The following AP3B1 variants were observed in gnomAD, a reference collection of about 807,000 sequenced individuals.
The protein encoded by AP3B1 is AP-3 complex subunit beta-1.
A neutral mutation model predicts 132.5 loss-of-function variants in AP3B1; 61 were observed. That is an observed-to-expected ratio of 0.46 (90% CI 0.37 to 0.57). The LOEUF is 0.57. AP3B1 is among the 20% of genes least tolerant of loss of function. AP3B1 has a pLI of 0.00. For synonymous variants in AP3B1, 388 were observed against 438.3 expected (o/e 0.89, Z 1.43); for missense variants, 1,120 against 1,289.4 (o/e 0.87, Z 2.01).
chr5:78,090,681 A>G (rs1750471643), intron 21 of AP3B1, among the ~76,000 whole-genome samples: 1 of 152,254 alleles, frequency 6.6e-6, no homozygotes, highest in Non-Finnish European at 1.5e-5. Context: ...AGACAATAAC[A>G]TTAATTTTTG....
intron 7 of AP3B1, among the ~76,000 whole-genome samples, chr5:78,207,022 C>G (rs1325639751): frequency 6.6e-6 from 1 of 152,060 alleles, no homozygotes; most frequent in Non-Finnish European, 1.5e-5. Flanking sequence ...CTTTGGGAGG[C>G]TGAGGCGGGT....
At chr5:78,291,780 G>GA (rs1749534924) in intron 1 of AP3B1, among the ~76,000 whole-genome samples, 2 of 152,002 alleles carry the variant, frequency 1.3e-5, no homozygotes, top group South Asian at 2.1e-4. Context: ...TGTACTTGAG[G>GA]AAAAAAATGC....
intron 18 of AP3B1, among the ~76,000 whole-genome samples, chr5:78,115,347 G>A (rs1751779851): frequency 6.6e-6 from 1 of 152,134 alleles, no homozygotes; most frequent in African/African-American, 2.4e-5. Flanking sequence ...GTTCTCCAAG[G>A]AATAAAGATT....
chr5:78,198,412 T>A (rs1020298964), intron 7 of AP3B1, among the ~76,000 whole-genome samples: 12 of 152,088 alleles, frequency 7.9e-5, no homozygotes. Context: ...AAGTCCAAGA[T>A]CAAGGGGCAG....
At chr5:78,137,688 A>G (rs1438501345) in intron 15 of AP3B1, among the ~76,000 whole-genome samples, 1 of 152,052 alleles carries the variant, frequency 6.6e-6, no homozygotes, top group Non-Finnish European at 1.5e-5. Context: ...ATTTTTCTGG[A>G]GTTTACAGCT....
chr5:78,167,873 T>C (rs1411384914), intron 11 of AP3B1, among the ~76,000 whole-genome samples: 2 of 149,884 alleles, frequency 1.3e-5, no homozygotes, highest in Non-Finnish European at 3.0e-5. Flanking sequence ...GGGGAAAGGG[T>C]GGGGGGTGGT....
At chr5:78,071,265 G>A (rs1399399555) in intron 22 of AP3B1, among the ~76,000 whole-genome samples, 3 of 152,220 alleles carry the variant, frequency 2.0e-5, no homozygotes, top group African/African-American at 7.2e-5. Context: ...ACAGGGACAT[G>A]GCTGGAGCTG....
At position 78,039,023 on chromosome 5, in the gene AP3B1, A is replaced by T; in HGVS notation, c.2809+20T>A. The T allele has an allele frequency of 7.0e-7, 1 of 1,422,128 alleles. No individual in the cohort carries two copies. The highest frequency in any genetic ancestry group is 9.9e-7 in the Non-Finnish European group (1 of 1,011,132). 88.1% of individuals were successfully genotyped at this position (1,422,128 alleles called of 1,614,324 possible). A position where few individuals can be genotyped will look rare whatever the true frequency, so the allele number is the denominator to read the frequency against. ...AGTGATCAAATATAGTTAAGGTTTT[A>T]AATGAGAATTAATATTTACCTATTG... On this transcript the variant is annotated intron_variant, in intron 23 of 26. Coordinates refer to ENST00000255194, the MANE Select transcript of AP3B1 (RefSeq NM_003664.5).
At chr5:78,213,922 G>A (rs1351827116) in intron 7 of AP3B1, among the ~76,000 whole-genome samples, 3 of 152,266 alleles carry the variant, frequency 2.0e-5, no homozygotes, top group Middle Eastern at 3.4e-3. Context: ...ATTCAACGCT[G>A]CATAAGAAAG....
At chr5:78,213,764 G>A (rs1745848762) in intron 7 of AP3B1, among the ~76,000 whole-genome samples, 1 of 152,100 alleles carries the variant, frequency 6.6e-6, no homozygotes, top group Non-Finnish European at 1.5e-5. Flanking sequence ...TTACGAGAAG[G>A]GAACATGTAC....
intron 1 of AP3B1, among the ~76,000 whole-genome samples, chr5:78,268,331 C>G (rs966696911): frequency 6.6e-6 from 1 of 151,732 alleles, no homozygotes; most frequent in Non-Finnish European, 1.5e-5. Flanking sequence ...TACTTAATGA[C>G]TATGTATACT....
chr5:78,074,807 G>A (rs1749690134), intron 22 of AP3B1, among the ~76,000 whole-genome samples: 1 of 152,086 alleles, frequency 6.6e-6, no homozygotes, highest in Non-Finnish European at 1.5e-5. Context: ...AACTAGCCGG[G>A]CGTGGTGGCA....
intron 17 of AP3B1, among the ~76,000 whole-genome samples, chr5:78,126,082 C>T (rs959402659): frequency 6.9e-6 from 1 of 145,980 alleles, no homozygotes; most frequent in Non-Finnish European, 1.5e-5. Context: ...TCATGTACCC[C>T]ATAATGAAAA....
At chr5:78,036,282 T>C (rs1471375668) in intron 23 of AP3B1, among the ~76,000 whole-genome samples, 1 of 152,138 alleles carries the variant, frequency 6.6e-6, no homozygotes, top group Admixed American at 6.5e-5. Flanking sequence ...ATTCAAATAA[T>C]GGATTTTTAT....
chr5:78,061,372 G>T (rs1029406356), intron 22 of AP3B1, among the ~76,000 whole-genome samples: 1 of 152,132 alleles, frequency 6.6e-6, no homozygotes, highest in Non-Finnish European at 1.5e-5. Flanking sequence ...TTGGTGAGTG[G>T]TATGTCTACA....
intron 21 of AP3B1, among the ~76,000 whole-genome samples, chr5:78,091,277 C>CAAA (rs748473899): frequency 2.5e-4 from 20 of 79,490 alleles, no homozygotes; most frequent in African/African-American, 7.2e-4. Flanking sequence ...ATGTATTTGA[C>CAAA]AAAAAAAAAA....
At chr5:78,224,725 C>G (rs1366469936) in intron 6 of AP3B1, among the ~76,000 whole-genome samples, 1 of 151,742 alleles carries the variant, frequency 6.6e-6, no homozygotes, top group Non-Finnish European at 1.5e-5. Flanking sequence ...ACAGGCAAAA[C>G]AGACATTAAA....
chr5:78,294,352 G>A (rs1240240170), intron 1 of AP3B1, 100 bp downstream of exon 1: 1 of 1,579,974 alleles, frequency 6.3e-7, no homozygotes, highest in Non-Finnish European at 8.6e-7. Flanking sequence ...TCAGACCTCA[G>A]GGCGACCCCG....
intron 7 of AP3B1, among the ~76,000 whole-genome samples, chr5:78,182,146 T>C (rs1170453122): frequency 1.3e-5 from 2 of 152,196 alleles, no homozygotes; most frequent in Non-Finnish European, 2.9e-5. Context: ...GTCCCTGAGT[T>C]GTCAAGAAAA....
Sources: gnomAD v4.1 joint callset for allele counts (sites outside exome capture counted in the v4.1 genomes callset) on GRCh38, gnomAD v4.1.1 for gene constraint, MANE v1.5 for transcripts, NCBI Gene and HGNC (gene_info 2026-07-23, HGNC 2026-07-21) for gene names.